Variants in SLC43A3 observed in about 807,000 individuals in gnomAD.
SLC43A3 encodes the protein solute carrier family 43 member 3.
A neutral mutation model predicts 53.3 loss-of-function variants in SLC43A3; 33 were observed. That is an observed-to-expected ratio of 0.62 (90% CI 0.47 to 0.83). The LOEUF is 0.83. SLC43A3 is among the 40% of genes least tolerant of loss of function. The pLI, the probability that SLC43A3 is intolerant of heterozygous loss-of-function variation, is 0.00. For missense variants in SLC43A3, 530 were observed against 610.0 expected (o/e 0.87, Z 1.38); for synonymous variants, 236 against 246.2 (o/e 0.96, Z 0.39).
In SLC43A3 at chr11:57,410,626, TTA is replaced by T. The variant is rs1942407392; in HGVS notation, c.1061-507_1061-506del. ...GCTACAGAGCACCCTCAGGATAGAG[TTA>T]CATCAAAAAAAAAAAAAACTCTGCA... On this transcript the variant is annotated intron_variant, in intron 11 of 13. Transcript: ENST00000395124. Among the ~76,000 whole-genome samples the T allele has an allele frequency of 3.3e-5, 5 of 150,060 alleles. No homozygotes were observed. In the South Asian group the frequency reaches 1.1e-3, roughly 32 times the overall value.
At position 57,426,087 on chromosome 11, in the gene SLC43A3, C is replaced by A; in HGVS notation, c.86G>T (p.Gly29Val). Residue 29 changes from glycine to valine, a missense_variant, in exon 3 of 14, where the codon GGC (glycine) becomes GTC (valine). Transcript: ENST00000395124. ...GAAGACAAACACTAGTGAAGGCCAG[C>A]CAAAGAGGACGCCAGCAAAGCCCAG... ...ECLGFAGVLF[G>V]WPSLVFVFKN... 1 of 1,614,252 alleles carries A rather than the reference C, an allele frequency of 6.2e-7. No homozygotes were observed. The highest frequency in any genetic ancestry group is 8.5e-7 in the Non-Finnish European group (1 of 1,180,050).
Position 57,409,200 on chromosome 11 carries a change from C to A in SLC43A3, c.1346G>T (p.Gly449Val), listed in dbSNP as rs1445585373. The change falls in exon 13 of 14, where the codon GGC becomes GTC. Residue 449 changes from glycine (G) to valine (V), a missense_variant. Physicochemically the swap from Gly to Val is moderately radical, Grantham distance 109. This residue lies in a region of SLC43A3 where 124 missense variants were observed against 166.4 expected (regional missense o/e 0.75). Transcript: ENST00000395124. ...GTAAAATGGGTCATTCTGAAGGGAG[C>A]CTTTGATGAGGGTGAAGATGGGGAA... ...LQFPIFTLIK[G>V]SLQNDPFYVN... The A allele has an allele frequency of 6.2e-7, 1 of 1,614,170 alleles. No individual in the cohort carries two copies.
intron 7 of SLC43A3, among the ~76,000 whole-genome samples, chr11:57,420,501 T>G (rs1160067592): frequency 6.6e-6 from 1 of 152,196 alleles, no homozygotes. Flanking sequence ...CTAATAGCCT[T>G]GGCAACAGTT....
At chr11:57,413,132 C>T (rs541713678) in intron 11 of SLC43A3, among the ~76,000 whole-genome samples, 2 of 151,476 alleles carry the variant, frequency 1.3e-5, no homozygotes, top group South Asian at 2.1e-4. Context: ...AGGAAATACC[C>T]AAGGAAAGGA....
At chr11:57,416,446 A>G (rs1942726464) in intron 9 of SLC43A3, 127 bp downstream of exon 9, 2 of 676,216 alleles carry the variant, frequency 3.0e-6, no homozygotes, top group Non-Finnish European at 5.2e-6. Context: ...AAGATGCCTA[A>G]GGCCCTTTTT....
rs1395018038 is a variant in SLC43A3, at chr11:57,426,337, G to A, written c.-165C>T. The A allele has an allele frequency of 1.6e-6, 1 of 626,078 alleles. No homozygotes were observed. The highest frequency in any genetic ancestry group is 2.8e-6 in the Non-Finnish European group (1 of 361,434). 38.8% of individuals were successfully genotyped at this position (626,078 alleles called of 1,614,324 possible). ...CAGGCCTGGGCAAAAACCATCAGCG[G>A]GTGATTCTCTGGATCCTGTAGAATA... is the stretch of plus-strand genomic sequence containing the variant. On this transcript the variant is annotated 5_prime_UTR_variant, in exon 3 of 14. Coordinates refer to ENST00000395124, the MANE Select transcript of SLC43A3 (RefSeq NM_199329.3).
chr11:57,415,762 A>AAAAT (rs1181675743), intron 9 of SLC43A3, among the ~76,000 whole-genome samples: 5 of 152,210 alleles, frequency 3.3e-5, no homozygotes, highest in South Asian at 2.1e-4. Flanking sequence ...TTCTTTCTTT[A>AAAAT]AAATAAATAA....
At chr11:57,410,774 G>A (rs1252827278) in intron 11 of SLC43A3, among the ~76,000 whole-genome samples, 1 of 152,168 alleles carries the variant, frequency 6.6e-6, no homozygotes, top group East Asian at 1.9e-4. Context: ...CCCACGTATT[G>A]TGGGTGGGAC....
Position 57,424,000 on chromosome 11 carries a change from T to G in SLC43A3, c.343A>C (p.Ile115Leu). 6.2e-7 allele frequency: 1 copy of G among 1,614,210 alleles called. No homozygotes were observed. Among genetic ancestry groups the G allele is most frequent in the Non-Finnish European group, 8.5e-7 (1 of 1,180,018 alleles). Residue 115 changes from isoleucine (I) to leucine (L), a missense_variant, in exon 5 of 14, where the codon ATA (isoleucine) becomes CTA (leucine). Ile to Leu is a conservative substitution (Grantham distance 5). This residue lies in a region of SLC43A3 where 376 missense variants were observed against 386.7 expected (regional missense o/e 0.97). Coordinates refer to ENST00000395124, the MANE Select transcript of SLC43A3 (RefSeq NM_199329.3). ...CACTCACCTGCAGAGGTGAAGGCTA[T>G]GATGAGTGTGGCGGTGGTGTAGAAA... Reference protein sequence around the residue: ...IFFYTTATLIIAFTSAGSAVL... With the variant: ...IFFYTTATLILAFTSAGSAVL...
At position 57,407,769 on chromosome 11, in the gene SLC43A3, G is replaced by A. The variant is rs200885250; in HGVS notation, c.*23C>T. ...GAAGATGAACAAAACCATCCTCGGG[G>A]CTGAAAAGTGAGGGCTTCTGAACTA... On this transcript the variant is annotated 3_prime_UTR_variant, in exon 14 of 14. Coordinates refer to ENST00000395124, the MANE Select transcript of SLC43A3 (RefSeq NM_199329.3). 7.4e-6 allele frequency: 11 copies of A among 1,491,936 alleles called. No homozygotes were observed. The East Asian group carries it at 1.8e-4, about 25-fold the overall frequency. 92.4% of individuals were successfully genotyped at this position (1,491,936 alleles called of 1,614,324 possible).
intron 7 of SLC43A3, 140 bp downstream of exon 7, chr11:57,420,832 G>C (rs1194374798): frequency 1.6e-6 from 1 of 640,666 alleles, no homozygotes; most frequent in African/African-American, 1.8e-5. Flanking sequence ...TAACCTCAGA[G>C]ACTCAAATGC....
In SLC43A3 at chr11:57,424,038, A is replaced by C; in HGVS notation, c.315-10T>G. 1.9e-6 allele frequency: 3 copies of C among 1,613,814 alleles called. No homozygotes were observed. Among genetic ancestry groups the C allele is most frequent in the South Asian group, 1.1e-5 (1 of 91,068 alleles). On this transcript the variant is annotated splice_polypyrimidine_tract_variant and intron_variant, in intron 4 of 13. Coordinates refer to ENST00000395124, the MANE Select transcript of SLC43A3 (RefSeq NM_199329.3). ...GGTGGTGTAGAAAAATCTGAAACAC[A>C]TAACAGGAAAAGCAGAATATTGTCA... is the stretch of plus-strand genomic sequence containing the variant.
chr11:57,409,391 C>T, intron 12 of SLC43A3, 93 bp from the exon 13 acceptor site: 1 of 1,460,078 alleles, frequency 6.8e-7, no homozygotes. Flanking sequence ...CCGCTTGTCC[C>T]CAGCTCCCCT....
intron 11 of SLC43A3, among the ~76,000 whole-genome samples, chr11:57,413,233 G>C (rs113534527): frequency 0.037 from 5,694 of 152,224 alleles, 118 homozygotes; most frequent in Non-Finnish European, 0.045. Context: ...AAAAGGTAGG[G>C]GGGAGGACTG....
chr11:57,407,347 G>C lies in SLC43A3; in HGVS notation c.*445C>G, dbSNP rs576720488. ...AGCTGTGAGTTCTCTAGCCAAGGCT[G>C]CACTCTTGAGGGAGAGCCAGGAAGC... On this transcript the variant is annotated 3_prime_UTR_variant, in exon 14 of 14. Coordinates refer to ENST00000395124, the MANE Select transcript of SLC43A3 (RefSeq NM_199329.3). The C allele has an allele frequency of 1.9e-4, 31 of 160,478 alleles. No homozygotes were observed. The highest frequency in any genetic ancestry group is 1.1e-3 in the Admixed American group (18 of 17,038). 9.9% of individuals were successfully genotyped at this position (160,478 alleles called of 1,614,324 possible).
At chr11:57,421,878 C>A (rs76097174) in intron 5 of SLC43A3, among the ~76,000 whole-genome samples, 6,628 of 152,308 alleles carry the variant, frequency 0.044, 488 homozygotes, top group African/African-American at 0.15. Flanking sequence ...GGACCATGGT[C>A]TTTTCTTTGT....
At position 57,415,094 on chromosome 11, in the gene SLC43A3, G is replaced by A; in HGVS notation, c.782C>T (p.Ala261Val). 6.2e-7 allele frequency: 1 copy of A among 1,610,322 alleles called. No homozygotes were observed. The highest frequency in any genetic ancestry group is 8.5e-7 in the Non-Finnish European group (1 of 1,178,078). ...GGAGCGGAGTTCCTGCTTCTGCCCT[G>A]CCCCTGGGGTCTCTAATGGGGAGAG... ...FLSAKEETPG[A>V]GQKQELRSFW... Residue 261 changes from alanine (A) to valine (V), a missense_variant, in exon 10 of 14, where the codon GCA becomes GTA. This residue lies in a region of SLC43A3 where 376 missense variants were observed against 386.7 expected (regional missense o/e 0.97). Coordinates refer to ENST00000395124, the MANE Select transcript of SLC43A3 (RefSeq NM_199329.3).
chr11:57,415,319 C>G, intron 9 of SLC43A3: 2 of 1,518,438 alleles, frequency 1.3e-6, no homozygotes, highest in Non-Finnish European at 1.8e-6. Context: ...GGATGACCCT[C>G]TGTGTTCTTC....
At chr11:57,418,226 T>A (rs759524702) in intron 7 of SLC43A3, among the ~76,000 whole-genome samples, 12 of 152,088 alleles carry the variant, frequency 7.9e-5, no homozygotes, top group South Asian at 4.2e-4. Context: ...TGCCAGCTAC[T>A]CAGGAGGCTG....
Sources: allele counts gnomAD v4.1 joint callset (sites outside exome capture counted in the v4.1 genomes callset), GRCh38; gene constraint gnomAD v4.1.1; regional missense constraint gnomAD v4.1.1; transcripts MANE v1.5; gene names NCBI Gene and HGNC (gene_info 2026-07-23, HGNC 2026-07-21).